Variants in L1CAM observed in about 807,000 individuals in gnomAD.
L1CAM encodes the protein neural cell adhesion molecule L1.
In L1CAM, 8 loss-of-function variants were observed where a neutral mutation model predicts 93.0. The observed-to-expected ratio is 0.09, with a 90% CI of 0.05 to 0.16. L1CAM has a LOEUF of 0.16. Ranked by LOEUF, L1CAM falls within the 10% of genes least tolerant of loss-of-function variation. The pLI is 1.00. For missense variants in L1CAM, 777 were observed against 1,073.4 expected (o/e 0.72, Z 3.86); for synonymous variants, 453 against 453.0 (o/e 1.00, Z 0.00).
rs2064704352 is a variant in L1CAM at position 153,865,449 on chromosome X, G to A, written c.2599C>T (p.His867Tyr). ...GCGGGCACCACCACATGGTCTTTGT[G>A]GATATGTCTCTTGCTGTGCTTCCTC... ...SQRKHSKRHI[H>Y]KDHVVVPANT... is the part of the protein sequence containing the mutation. Residue 867 changes from histidine (H) to tyrosine (Y), a missense_variant, in exon 21 of 29, where the codon CAC (histidine) becomes TAC (tyrosine). Coordinates refer to ENST00000370060, the MANE Select transcript of L1CAM (RefSeq NM_001278116.2). The A allele has an allele frequency of 8.3e-7, 1 of 1,211,463 alleles. No individual in the cohort carries two copies. The highest frequency in any genetic ancestry group is 1.1e-6 in the Non-Finnish European group (1 of 895,287).
chrX:153,881,790 G>A (rs2064845947), intron 1 of L1CAM, among the ~76,000 whole-genome samples: 1 of 111,053 alleles, frequency 9.0e-6, no homozygotes, highest in Non-Finnish European at 1.9e-5. Flanking sequence ...TTCTTGTGTC[G>A]AAGGAGATAC....
At chrX:153,870,731 A>G (rs2064761379) in intron 7 of L1CAM, 59 bp downstream of exon 7, 1 of 1,114,450 alleles carries the variant, frequency 9.0e-7, no homozygotes, top group Non-Finnish European at 1.2e-6. Context: ...TATGGTGGGA[A>G]GGGCCATGCC....
At position 153,863,488 on chromosome X, in the gene L1CAM, G is replaced by A. The variant is rs142277193; in HGVS notation, c.3519C>T (p.Phe1173=). ...CTGCCCCGGCTCACCTGTACTCGCC[G>A]AAGGTCTCATCTTTCATCGGTCGGG... ...SEARPMKDET[F]GEYRSLESDN... The change falls in exon 27 of 29, where the codon TTC becomes TTT. Residue 1173 remains phenylalanine (F), a synonymous_variant. Coordinates refer to ENST00000370060, the MANE Select transcript of L1CAM (RefSeq NM_001278116.2). The A allele has an allele frequency of 4.9e-4, 591 of 1,209,582 alleles. No individual in the cohort carries two copies. In the East Asian group the frequency reaches 5.8e-3, roughly 12 times the overall value.
rs781932140 is a variant in L1CAM, at chrX:153,864,342, G to C, written c.3302C>G (p.Ala1101Gly). ...CTCACCTGTGCCATTGGTCTTCACA[G>C]CCATTTGGTGCCGGAACATCCTCTC... ...FKERMFRHQM[A>G]VKTNGTGRVR... Residue 1101 changes from alanine to glycine, a missense_variant, in exon 25 of 29, where the codon GCT (alanine) becomes GGT (glycine). Ala to Gly is a moderately conservative substitution (Grantham distance 60). This residue lies in a region of L1CAM where 110 missense variants were observed against 141.7 expected (regional missense o/e 0.78). Coordinates refer to ENST00000370060, the MANE Select transcript of L1CAM (RefSeq NM_001278116.2). 21 of 1,211,637 alleles carry C rather than the reference G, an allele frequency of 1.7e-5. No individual in the cohort carries two copies. Among genetic ancestry groups the C allele is most frequent in the Non-Finnish European group, 1.5e-5 (13 of 895,386 alleles).
intron 6 of L1CAM, 29 bp downstream of exon 6, chrX:153,871,028 C>T: frequency 8.3e-7 from 1 of 1,211,249 alleles, no homozygotes; most frequent in Non-Finnish European, 1.1e-6. Flanking sequence ...CACCCCGACC[C>T]CACGAGGCAG....
intron 1 of L1CAM, chrX:153,885,848 G>A: frequency 1.2e-6 from 1 of 833,855 alleles, no homozygotes; most frequent in Non-Finnish European, 1.5e-6. Flanking sequence ...TCACCTGTCG[G>A]GCTCGGGCAC....
At chrX:153,866,561 C>CTGAGAGGTGTG in intron 19 of L1CAM, 88 bp downstream of exon 19, 1 of 639,580 alleles carries the variant, frequency 1.6e-6, no homozygotes, top group Non-Finnish European at 2.5e-6. Context: ...TTAGGAAAGG[C>CTGAGAGGTGTG]GCACACCAAT....
intron 25 of L1CAM, 24 bp from the exon 26 acceptor site, chrX:153,864,041 C>T (rs372842739): frequency 8.3e-6 from 10 of 1,210,672 alleles, no homozygotes; most frequent in Admixed American, 2.2e-5. Flanking sequence ...ACCAGCCCCC[C>T]GTGCTGCCGC....
At chrX:153,885,570 TC>T in intron 1 of L1CAM, 2 of 336,002 alleles carry the variant, frequency 6.0e-6, no homozygotes, top group South Asian at 6.7e-5. Flanking sequence ...GGGCGGCTTA[TC>T]CCGATCTACC....
rs2064762257 is a variant in L1CAM, at chrX:153,870,821, C to T, written c.663G>A (p.Gln221=). The T allele has an allele frequency of 3.3e-6, 4 of 1,209,306 alleles. No individual in the cohort carries two copies. In the South Asian group the frequency reaches 7.0e-5, roughly 21 times the overall value. Residue 221 remains glutamine (Q), a synonymous_variant, in exon 7 of 29, where the codon CAG becomes CAA. Transcript: ENST00000370060. The stretch of plus-strand genomic sequence containing the variant: ...TGACCCGGAGGTCAATGGGTTCCTT[C>T]TGAATGATGGTCCTGGTGCCTGGGA... ...AHFPGTRTII[Q]KEPIDLRVKA... is the part of the protein sequence containing the mutation.
intron 1 of L1CAM, chrX:153,883,918 C>T (rs1557096303): frequency 5.9e-6 from 2 of 339,822 alleles, no homozygotes; most frequent in Non-Finnish European, 1.2e-5. Flanking sequence ...AGGCCTGTCT[C>T]CTCGACCCTC....
Position 153,870,914 on chromosome X carries a change from G to C in L1CAM, c.570C>G (p.Asn190Lys). The change falls in exon 7 of 29, where the codon AAC (asparagine) becomes AAG (lysine). Residue 190 changes from asparagine (N) to lysine (K), a missense_variant. Asn to Lys is a moderately conservative substitution (Grantham distance 94, BLOSUM62 0). This residue lies in a region of L1CAM where 574 missense variants were observed against 781.0 expected (regional missense o/e 0.73). Transcript: ENST00000370060. ...KQDERVTMGQNGNLYFANVLT... is the reference protein window; with the variant it reads ...KQDERVTMGQKGNLYFANVLT... ...GCACATTGGCAAAGTAGAGGTTGCC[G>C]TTCTGGCCCATCGTCACCCGCTCGT... The C allele has an allele frequency of 8.3e-7, 1 of 1,211,261 alleles. No individual in the cohort carries two copies. The highest frequency in any genetic ancestry group is 1.1e-6 in the Non-Finnish European group (1 of 895,313).
intron 19 of L1CAM, among the ~76,000 whole-genome samples, 175 bp downstream of exon 19, chrX:153,866,474 C>T (rs781848905): frequency 9.0e-6 from 1 of 111,605 alleles, no homozygotes; most frequent in South Asian, 3.8e-4. Flanking sequence ...ACTGGAATAC[C>T]GCTGCCAATT....
intron 4 of L1CAM, 63 bp downstream of exon 4, chrX:153,872,528 CA>C (rs1488470534): frequency 1.8e-4 from 178 of 1,002,047 alleles, no homozygotes; most frequent in Non-Finnish European, 2.4e-4. Context: ...TTAGGCAGTC[CA>C]GGGAGGCACA....
At chrX:153,874,110 A>G (rs1557093953) in intron 2 of L1CAM, among the ~76,000 whole-genome samples, 1 of 112,595 alleles carries the variant, frequency 8.9e-6, no homozygotes. Context: ...AACTAGGTGG[A>G]GGAAGCAGGA....
At chrX:153,875,133 GC>G (rs1340279925) in intron 2 of L1CAM, among the ~76,000 whole-genome samples, 2 of 111,510 alleles carry the variant, frequency 1.8e-5, no homozygotes, top group Non-Finnish European at 3.8e-5. Context: ...ACCTGCTTGT[GC>G]CCCCAACAAA....
rs781877133 is a variant in L1CAM, at chrX:153,868,821, T to C, written c.1379+20A>G. The stretch of plus-strand genomic sequence containing the variant: ...GCCACTGGGACACGACACTCACCAC[T>C]ACCAGGACGAGACACTCACCACTGA... On this transcript the variant is annotated intron_variant, in intron 12 of 28. Coordinates refer to ENST00000370060, the MANE Select transcript of L1CAM (RefSeq NM_001278116.2). The C allele has an allele frequency of 1.7e-6, 2 of 1,203,688 alleles. No homozygotes were observed. The highest frequency in any genetic ancestry group is 2.2e-5 in the Admixed American group (1 of 46,100).
At chrX:153,863,784 A>G in intron 26 of L1CAM, 99 bp downstream of exon 26, 1 of 1,105,082 alleles carries the variant, frequency 9.0e-7, no homozygotes, top group Non-Finnish European at 1.2e-6. Context: ...TCTTGTGGGG[A>G]GCTCGGGGAA....
At chrX:153,877,287 C>CAAAAAAAAAA (rs34384910) in intron 1 of L1CAM, among the ~76,000 whole-genome samples, 2 of 12,815 alleles carry the variant, frequency 1.6e-4, no homozygotes, top group Non-Finnish European at 3.4e-4. Context: ...ACTAAAAATA[C>CAAAAAAAAAA]AAAAAAAAAA....
Sources: gnomAD v4.1 joint callset for allele counts (sites outside exome capture counted in the v4.1 genomes callset) on GRCh38, gnomAD v4.1.1 for gene constraint, gnomAD v4.1.1 regional missense constraint, MANE v1.5 for transcripts, NCBI Gene and HGNC (gene_info 2026-07-23, HGNC 2026-07-21) for gene names.